MACROD2: variants seen among roughly 807,000 people sequenced by gnomAD.
The protein encoded by MACROD2 is ADP-ribose glycohydrolase MACROD2.
In MACROD2, 36 loss-of-function variants were observed where a neutral mutation model predicts 70.4. The ratio of observed to expected loss-of-function variants is 0.51; its 90% CI spans 0.39 to 0.68. MACROD2 has a LOEUF of 0.68. Ranked by LOEUF, MACROD2 falls within the 30% of genes least tolerant of loss-of-function variation. MACROD2 has a pLI of 0.00. For missense variants in MACROD2, 496 were observed against 538.4 expected (o/e 0.92, Z 0.78); for synonymous variants, 172 against 178.8 (o/e 0.96, Z 0.30).
chr20:14,336,200 T>C (rs1292269542), intron 3 of MACROD2, among the ~76,000 whole-genome samples: 3 of 152,158 alleles, frequency 2.0e-5, no homozygotes, highest in African/African-American at 7.2e-5. Flanking sequence ...ATTTATGTTG[T>C]TTCTGGATAA....
In MACROD2 at chr20:14,271,257, C is replaced by T. The variant is rs190248115; in HGVS notation, c.271+185529C>T. Among the ~76,000 whole-genome samples the T allele has an allele frequency of 4.8e-3, 724 of 152,300 alleles. 10 individuals carry two copies. Among genetic ancestry groups the T allele is most frequent in the African/African-American group, 0.017 (704 of 41,568 alleles). The stretch of plus-strand genomic sequence containing the variant: ...GGAGGCACCCCCCAGTAGGGGCAGA[C>T]TGACACCTCACACGGCCAGGTACTC... On this transcript the variant is annotated intron_variant, in intron 3 of 17. Transcript: ENST00000684519.
intron 5 of MACROD2, among the ~76,000 whole-genome samples, chr20:15,037,245 G>T (rs1489702099): frequency 1.3e-5 from 2 of 152,136 alleles, no homozygotes; most frequent in Non-Finnish European, 2.9e-5. Flanking sequence ...TGCCGCCTTG[G>T]GAAATCAACT....
chr20:15,351,045 AT>A (rs1323033739), intron 6 of MACROD2, among the ~76,000 whole-genome samples: 1 of 143,684 alleles, frequency 7.0e-6, no homozygotes, highest in Non-Finnish European at 1.5e-5. Flanking sequence ...AAATATTATT[AT>A]GGAAAGTGTT....
chr20:14,156,150 T>TC (rs1402270363), intron 3 of MACROD2, among the ~76,000 whole-genome samples: 3 of 151,944 alleles, frequency 2.0e-5, no homozygotes, highest in Non-Finnish European at 4.4e-5. Context: ...CGACAAAGTC[T>TC]CAAAAAAAAT....
In MACROD2 at chr20:14,061,107, G is replaced by A. The variant is rs143698375; in HGVS notation, c.164-24514G>A. 2.1e-4 allele frequency among the ~76,000 whole-genome samples: 32 copies of A among 152,106 alleles called. No homozygotes were observed. In the East Asian group the frequency reaches 5.0e-3, roughly 24 times the overall value. On this transcript the variant is annotated intron_variant, in intron 2 of 17. Transcript: ENST00000684519. The stretch of plus-strand genomic sequence containing the variant: ...TACACCATAGAAGTATAAACAACAT[G>A]CACTCTCACACTGAAAAGCATTGCT...
At chr20:14,130,891 C>T in intron 3 of MACROD2, among the ~76,000 whole-genome samples, 1 of 147,814 alleles carries the variant, frequency 6.8e-6, no homozygotes, top group African/African-American at 2.5e-5. Flanking sequence ...TCTTCAAGAT[C>T]TGTGAATATA....
intron 3 of MACROD2, among the ~76,000 whole-genome samples, chr20:14,134,266 T>G (rs1446578129): frequency 6.6e-6 from 1 of 152,194 alleles, no homozygotes; most frequent in Non-Finnish European, 1.5e-5. Flanking sequence ...GTCTGCTTCC[T>G]GACAGAATCT....
intron 5 of MACROD2, among the ~76,000 whole-genome samples, chr20:15,083,881 A>G (rs964166291): frequency 7.9e-5 from 12 of 152,016 alleles, no homozygotes; most frequent in East Asian, 7.7e-4. Context: ...ATGAAATCCT[A>G]TGTTCTGTAT....
At chr20:15,032,481 G>A (rs1160431951) in intron 5 of MACROD2, among the ~76,000 whole-genome samples, 1 of 152,194 alleles carries the variant, frequency 6.6e-6, no homozygotes, top group Non-Finnish European at 1.5e-5. Context: ...GTAGGATGGG[G>A]GATTCACGGA....
intron 5 of MACROD2, among the ~76,000 whole-genome samples, chr20:14,715,391 T>C (rs180827838): frequency 6.6e-6 from 1 of 152,284 alleles, no homozygotes; most frequent in Non-Finnish European, 1.5e-5. Flanking sequence ...AAAATTTCTA[T>C]ATTTGAAGGC....
intron 6 of MACROD2, among the ~76,000 whole-genome samples, chr20:15,267,830 T>C (rs1568680580): frequency 6.6e-6 from 1 of 152,168 alleles, no homozygotes; most frequent in Non-Finnish European, 1.5e-5. Context: ...GCCTCTCCGG[T>C]TCCTGGGTGG....
At chr20:15,103,335 G>T (rs1002205231) in intron 5 of MACROD2, among the ~76,000 whole-genome samples, 4 of 152,006 alleles carry the variant, frequency 2.6e-5, no homozygotes, top group African/African-American at 7.2e-5. Context: ...AGTAGAAAAA[G>T]GGCCATTTTT....
intron 8 of MACROD2, among the ~76,000 whole-genome samples, chr20:15,804,405 A>C (rs1413204254): frequency 6.6e-6 from 1 of 152,208 alleles, no homozygotes; most frequent in African/African-American, 2.4e-5. Flanking sequence ...AGTTCATTTC[A>C]ATCCTATAAA....
intron 5 of MACROD2, among the ~76,000 whole-genome samples, chr20:15,202,887 C>T (rs141759958): frequency 1.3e-5 from 2 of 152,234 alleles, no homozygotes; most frequent in African/African-American, 4.8e-5. Flanking sequence ...TTTCCAGAAG[C>T]TCTATGAGAC....
chr20:14,096,875 C>T (rs2054234650), intron 3 of MACROD2, among the ~76,000 whole-genome samples: 1 of 152,236 alleles, frequency 6.6e-6, no homozygotes, highest in Admixed American at 6.5e-5. Flanking sequence ...AAACTTTGCC[C>T]ATGGGAAGTT....
At chr20:14,074,838 C>T (rs1229474781) in intron 2 of MACROD2, among the ~76,000 whole-genome samples, 1 of 152,084 alleles carries the variant, frequency 6.6e-6, no homozygotes, top group Non-Finnish European at 1.5e-5. Flanking sequence ...GTAGAAAATT[C>T]CAGAAATAAA....
chr20:16,027,653 G>T (rs557626496), intron 15 of MACROD2, among the ~76,000 whole-genome samples: 1 of 152,254 alleles, frequency 6.6e-6, no homozygotes, highest in Middle Eastern at 3.4e-3. Flanking sequence ...CCCCACTGTG[G>T]CTCCTTACAT....
intron 8 of MACROD2, among the ~76,000 whole-genome samples, chr20:15,855,904 A>C (rs2064351668): frequency 2.0e-5 from 3 of 152,146 alleles, no homozygotes; most frequent in South Asian, 4.1e-4. Flanking sequence ...ATATGAGTAC[A>C]TCGTAATTTA....
chr20:14,520,219 G>GT (rs1041908185), intron 4 of MACROD2, among the ~76,000 whole-genome samples: 61 of 152,020 alleles, frequency 4.0e-4, no homozygotes, highest in African/African-American at 1.3e-3. Context: ...TAAAGTAAAA[G>GT]TTTTTTTTAA....
Sources: allele counts gnomAD v4.1 joint callset (sites outside exome capture counted in the v4.1 genomes callset), GRCh38; gene constraint gnomAD v4.1.1; transcripts MANE v1.5; gene names NCBI Gene and HGNC (gene_info 2026-07-23, HGNC 2026-07-21).